The following HDGFL3 variants were observed in gnomAD, a reference collection of about 807,000 sequenced individuals.
The protein encoded by HDGFL3 is HDGF like 3, also known as hepatoma-derived growth factor-related protein 3.
In HDGFL3, 6 loss-of-function variants were observed where a neutral mutation model predicts 27.6. The ratio of observed to expected loss-of-function variants is 0.22; its 90% confidence interval spans 0.12 to 0.43. HDGFL3 has a LOEUF of 0.43. Ranked by LOEUF, HDGFL3 falls within the 20% of genes least tolerant of loss-of-function variation. HDGFL3 has a pLI of 1.00. For missense variants in HDGFL3, 207 were observed against 250.1 expected (o/e 0.83, Z 1.16); for synonymous variants, 88 against 88.9 (o/e 0.99, Z 0.05).
intron 1 of HDGFL3, among the ~76,000 whole-genome samples, chr15:83,193,285 C>T (rs922353774): frequency 6.6e-6 from 1 of 152,144 alleles, no homozygotes; most frequent in Non-Finnish European, 1.5e-5. Flanking sequence ...GGACAATAGA[C>T]ATTATTCCAA....
At chr15:83,160,093 G>T (rs1886517204) in intron 2 of HDGFL3, among the ~76,000 whole-genome samples, 2 of 152,194 alleles carry the variant, frequency 1.3e-5, no homozygotes, top group Admixed American at 6.5e-5. Flanking sequence ...GAAGTGGTCA[G>T]ATCCTGAATT....
intron 5 of HDGFL3, among the ~76,000 whole-genome samples, chr15:83,139,610 T>C (rs540948253): frequency 7.2e-5 from 11 of 152,324 alleles, no homozygotes; most frequent in East Asian, 5.8e-4. Flanking sequence ...AGTGGAGAAA[T>C]TGATATAATC....
At chr15:83,115,166 G>A in exon 4 of HDGFL3, 1 of 157,172 alleles carries the variant, frequency 6.4e-6, no homozygotes, top group South Asian at 1.9e-4. Flanking sequence ...CGCCCAGGCT[G>A]GAGTGCAGTG....
chr15:83,126,820 G>T, downstream of HDGFL3: 1 of 1,613,820 alleles, frequency 6.2e-7, no homozygotes, highest in Non-Finnish European at 8.5e-7. Flanking sequence ...CCTATCTAAA[G>T]GATCCTGCTG....
At chr15:83,115,600 T>C (rs1217723737) in exon 4 of HDGFL3, 2 of 640,840 alleles carry the variant, frequency 3.1e-6, no homozygotes, top group African/African-American at 3.6e-5. Context: ...GTGACCATCA[T>C]TCTCCACTCC....
At position 83,168,945 on chromosome 15, in the gene HDGFL3, T is replaced by C. The variant is rs112343183; in HGVS notation, c.85-4870A>G. 1.9e-3 allele frequency among the ~76,000 whole-genome samples: 285 copies of C among 152,222 alleles called. 2 individuals are homozygous for C. Among genetic ancestry groups the C allele is most frequent in the African/African-American group, 6.6e-3 (273 of 41,530 alleles). On this transcript the variant is annotated intron_variant, in intron 1 of 5. Coordinates refer to ENST00000299633, the MANE Select transcript of HDGFL3 (RefSeq NM_016073.4). ...TTCACCATGATCAAGCAGGTTTCAT[T>C]TCTAGGACGCAAAGTTGGTTCAACA...
At chr15:83,120,796 C>T (rs2035160228) in intron 3 of HDGFL3, among the ~76,000 whole-genome samples, 1 of 151,964 alleles carries the variant, frequency 6.6e-6, no homozygotes, top group African/African-American at 2.4e-5. Flanking sequence ...AAACTCCTGA[C>T]CTCTGGTGAT....
chr15:83,122,070 A>C (rs914571831), intron 3 of HDGFL3: 2 of 1,253,574 alleles, frequency 1.6e-6, no homozygotes, highest in Non-Finnish European at 1.2e-6. Context: ...TTAAATAGAG[A>C]AGCTCTTTTA....
At chr15:83,158,540 C>T (rs1417690671) in intron 2 of HDGFL3, among the ~76,000 whole-genome samples, 1 of 152,182 alleles carries the variant, frequency 6.6e-6, no homozygotes, top group East Asian at 1.9e-4. Flanking sequence ...CAACTGTGGT[C>T]CAATGGAAAA....
At position 83,136,824 on chromosome 15, in the gene HDGFL3, T is replaced by C. The variant is rs1156826067; in HGVS notation, c.*2446A>G. The C allele has an allele frequency of 1.9e-6, 1 of 520,556 alleles. No individual in the cohort carries two copies. Among genetic ancestry groups the C allele is most frequent in the Non-Finnish European group, 3.1e-6 (1 of 323,610 alleles). 32.2% of individuals were successfully genotyped at this position (520,556 alleles called of 1,614,324 possible). A position where few individuals can be genotyped will look rare whatever the true frequency, so the allele number is the denominator to read the frequency against. ...TGTATGTGTGAGCTATATGGTATTG[T>C]GTAAATTTTTTTTGAAGGAAAATGG... is the stretch of plus-strand genomic sequence containing the variant. On this transcript the variant is annotated 3_prime_UTR_variant, in exon 6 of 6. Coordinates refer to ENST00000299633, the MANE Select transcript of HDGFL3 (RefSeq NM_016073.4).
chr15:83,138,260 C>T lies in HDGFL3; in HGVS notation c.*1010G>A, dbSNP rs2036693996. 3 of 152,228 alleles carry T rather than the reference C, an allele frequency of 2.0e-5. No individual in the cohort carries two copies. Among genetic ancestry groups the T allele is most frequent in the Admixed American group, 1.3e-4 (2 of 15,234 alleles). The allele number at this position is 152,228 out of a possible 1,614,324, so 9.4% of individuals were successfully genotyped here. A position where few individuals can be genotyped will look rare whatever the true frequency, so the allele number is the denominator to read the frequency against. On this transcript the variant is annotated 3_prime_UTR_variant, in exon 6 of 6. Transcript: ENST00000299633. The stretch of plus-strand genomic sequence containing the variant: ...TACAGTAAACTTTTCAACTACAAAC[C>T]GTGAATACGCGAAAGATGTTCCAAG...
chr15:83,123,541 CTAGAGA>C (rs1233057678), downstream of HDGFL3, among the ~76,000 whole-genome samples: 4 of 152,200 alleles, frequency 2.6e-5, no homozygotes, highest in South Asian at 4.1e-4. Context: ...ATATGAATTA[CTAGAGA>C]TAATCAGAAT....
chr15:83,176,780 T>C (rs1194822066), intron 1 of HDGFL3, among the ~76,000 whole-genome samples: 1 of 151,932 alleles, frequency 6.6e-6, no homozygotes. Flanking sequence ...TTAACATGCA[T>C]CTCCTCAAAC....
chr15:83,117,492 G>C (rs1200695489), intron 3 of HDGFL3, among the ~76,000 whole-genome samples: 1 of 152,192 alleles, frequency 6.6e-6, no homozygotes, highest in Non-Finnish European at 1.5e-5. Flanking sequence ...AGAAGCCCCT[G>C]AAGTGGACCA....
chr15:83,180,466 A>G (rs989193773), intron 1 of HDGFL3, among the ~76,000 whole-genome samples: 4 of 152,106 alleles, frequency 2.6e-5, no homozygotes, highest in African/African-American at 9.7e-5. Context: ...AAACCCTAAC[A>G]TGTGATGTTG....
rs992951433 is a variant in HDGFL3 at position 83,145,046 on chromosome 15, C to CT, written c.607-5772dup. 3.6e-4 allele frequency among the ~76,000 whole-genome samples: 55 copies of CT among 151,902 alleles called. No individual in the cohort carries two copies. The Middle Eastern group carries it at 0.01, about 28-fold the overall frequency. ...TGCTAGTGGCAGAAGGGAGGAAGTA[C>CT]TCAGAGAGCCTCTGGGAGCAAAAAG... On this transcript the variant is annotated intron_variant, in intron 5 of 5. Coordinates refer to ENST00000299633, the MANE Select transcript of HDGFL3 (RefSeq NM_016073.4).
chr15:83,157,199 A>AT (rs1214324220), intron 4 of HDGFL3, among the ~76,000 whole-genome samples: 1 of 152,098 alleles, frequency 6.6e-6, no homozygotes, highest in Non-Finnish European at 1.5e-5. Flanking sequence ...AAAAGGTGGT[A>AT]TTTTCAGGGC....
At chr15:83,125,021 G>C (rs1014094847), downstream of HDGFL3, among the ~76,000 whole-genome samples, 1 of 151,894 alleles carries the variant, frequency 6.6e-6, no homozygotes, top group African/African-American at 2.4e-5. Context: ...CCCGTTTTAG[G>C]GCATCTAAAA....
chr15:83,118,325 T>C (rs771047056), intron 3 of HDGFL3, among the ~76,000 whole-genome samples: 8 of 151,960 alleles, frequency 5.3e-5, no homozygotes, highest in Non-Finnish European at 8.8e-5. Context: ...GAGAAGCTGA[T>C]GAATTAAGAG....
Sources: allele counts gnomAD v4.1 joint callset (sites outside exome capture counted in the v4.1 genomes callset), GRCh38; gene constraint gnomAD v4.1.1; transcripts MANE v1.5; gene names NCBI Gene and HGNC (gene_info 2026-07-23, HGNC 2026-07-21).